AFF1: variants seen among roughly 807,000 people sequenced by gnomAD.
The protein encoded by AFF1 is ALF transcription elongation factor 1.
In AFF1, 48 loss-of-function variants were observed where a neutral mutation model predicts 121.7. The ratio of observed to expected loss-of-function variants is 0.39; its 90% confidence interval spans 0.31 to 0.50. The LOEUF (loss-of-function observed/expected upper bound fraction) is 0.50. AFF1 is among the 20% of genes least tolerant of loss of function. The pLI, the probability that AFF1 is intolerant of heterozygous loss-of-function variation, is 0.76. For synonymous variants in AFF1, 613 were observed against 563.0 expected, an observed-to-expected ratio of 1.09 and a Z score of -1.26; for missense variants, 1,523 against 1,511.7, an observed-to-expected ratio of 1.01 and a Z score of -0.12.
At chr4:87,094,800 T>C in intron 7 of AFF1, 115 bp from the exon 8 acceptor site, 2 of 895,096 alleles carry the variant, frequency 2.2e-6, no homozygotes, top group South Asian at 1.5e-5. Context: ...ATGCTAAGAT[T>C]GTACCAAGTG....
At chr4:87,126,384 C>G (rs755315205) in intron 14 of AFF1, 48 bp downstream of exon 14, 2 of 1,541,716 alleles carry the variant, frequency 1.3e-6, no homozygotes, top group South Asian at 2.2e-5. Context: ...CATTGCTGTA[C>G]CTTTACGTTC....
At chr4:87,129,258 T>C (rs763011896) in intron 16 of AFF1, among the ~76,000 whole-genome samples, 4 of 152,236 alleles carry the variant, frequency 2.6e-5, no homozygotes, top group Admixed American at 6.5e-5. Flanking sequence ...TTCAAAGATG[T>C]GCAGTTGGTG....
At chr4:86,978,615 AAT>A (rs1723495453) in intron 2 of AFF1, among the ~76,000 whole-genome samples, 1 of 151,696 alleles carries the variant, frequency 6.6e-6, no homozygotes, top group African/African-American at 2.4e-5. Context: ...CAACCAATAT[AAT>A]ATAAAGTTTC....
At chr4:87,014,484 TGGGAA>T (rs1475101991) in intron 2 of AFF1, among the ~76,000 whole-genome samples, 3 of 152,250 alleles carry the variant, frequency 2.0e-5, no homozygotes, top group Admixed American at 1.3e-4. Context: ...GAACTCCTAC[TGGGAA>T]GTAAATGTTA....
chr4:87,126,835 C>T (rs1488665736), intron 14 of AFF1, among the ~76,000 whole-genome samples, 191 bp from the exon 15 acceptor site: 4 of 151,852 alleles, frequency 2.6e-5, no homozygotes, highest in African/African-American at 4.8e-5. Flanking sequence ...TTTTTGAGTC[C>T]CCAGTACAAT....
chr4:87,115,905 C>T (rs550492904), intron 12 of AFF1, among the ~76,000 whole-genome samples: 6 of 152,256 alleles, frequency 3.9e-5, no homozygotes, highest in East Asian at 3.9e-4. Context: ...GCCTAAGACA[C>T]GATGCCCAGC....
chr4:87,095,374 C>T (rs1488120848), intron 8 of AFF1, among the ~76,000 whole-genome samples: 1 of 152,260 alleles, frequency 6.6e-6, no homozygotes, highest in Non-Finnish European at 1.5e-5. Flanking sequence ...CTGCCTCAGC[C>T]TCCCAAAGTG....
At chr4:86,984,041 A>G (rs746313734) in intron 2 of AFF1, among the ~76,000 whole-genome samples, 1 of 152,206 alleles carries the variant, frequency 6.6e-6, no homozygotes, top group Non-Finnish European at 1.5e-5. Flanking sequence ...CATCTCAAAA[A>G]AAAAGAAAAA....
In AFF1 at chr4:87,140,036, A is replaced by C. The variant is rs528224050; in HGVS notation, c.*4335A>C. The C allele has an allele frequency of 1.9e-4, 39 of 204,256 alleles. No individual in the cohort carries two copies. The highest frequency in any genetic ancestry group is 3.7e-4 in the Non-Finnish European group (37 of 99,642). 12.7% of individuals were successfully genotyped at this position (204,256 alleles called of 1,614,324 possible). A position where few individuals can be genotyped will look rare whatever the true frequency, so the allele number is the denominator to read the frequency against. Reference sequence around the variant, plus strand: ...CAGCAGGCACTGTACTGGGTAGAGAAGTGCCTATACTTCTCTACCTAAGAG... The same window carrying C: ...CAGCAGGCACTGTACTGGGTAGAGACGTGCCTATACTTCTCTACCTAAGAG... On this transcript the variant is annotated 3_prime_UTR_variant, in exon 21 of 21. Transcript: ENST00000395146.
At position 87,095,022 on chromosome 4, in the gene AFF1, T is replaced by C. The variant is rs1724686719; in HGVS notation, c.1283+53T>C. On this transcript the variant is annotated intron_variant, in intron 8 of 20. Transcript: ENST00000395146. The stretch of plus-strand genomic sequence containing the variant: ...AATTTTGTAGTATGAAATTGTAATG[T>C]CTCATGTCAATGCATTGCTTAGATT... 2.6e-6 allele frequency: 4 copies of C among 1,520,346 alleles called. No homozygotes were observed. In the Admixed American group the frequency reaches 6.7e-5, roughly 26 times the overall value. 94.2% of individuals were successfully genotyped at this position (1,520,346 alleles called of 1,614,324 possible).
At chr4:86,977,764 A>G (rs538755406) in intron 2 of AFF1, among the ~76,000 whole-genome samples, 1 of 152,348 alleles carries the variant, frequency 6.6e-6, no homozygotes, top group Admixed American at 6.5e-5. Context: ...CATACTGGGC[A>G]CTCAATAAAT....
At chr4:87,104,947 A>G (rs1048237868) in intron 8 of AFF1, among the ~76,000 whole-genome samples, 4 of 152,050 alleles carry the variant, frequency 2.6e-5, no homozygotes, top group Admixed American at 6.6e-5. Flanking sequence ...TGTTCTTCCC[A>G]TTGATCAGTG....
Position 87,073,276 on chromosome 4 carries a change from A to G in AFF1, c.1060-10844A>G, listed in dbSNP as rs576297612. 7.7e-3 allele frequency among the ~76,000 whole-genome samples: 749 copies of G among 97,480 alleles called. 8 individuals are homozygous for G. The highest frequency in any genetic ancestry group is 0.034 in the African/African-American group (695 of 20,270). The allele number at this position is 97,480 out of a possible 152,430, so 64.0% of individuals were successfully genotyped here. On this transcript the variant is annotated intron_variant, in intron 4 of 20. Coordinates refer to ENST00000395146, the MANE Select transcript of AFF1 (RefSeq NM_001166693.3). ...CCTGATTGCTCATTACCCAGCATTA[A>G]AGCCAAAAAAAAAAAAAAAAAAAAA...
intron 5 of AFF1, 63 bp downstream of exon 5, chr4:87,084,227 T>G (rs1723458220): frequency 1.3e-6 from 2 of 1,537,898 alleles, no homozygotes; most frequent in Admixed American, 3.3e-5. Context: ...GTACATCCAT[T>G]TACTTTCACT....
chr4:87,084,287 C>T, intron 5 of AFF1, 123 bp downstream of exon 5: 1 of 1,062,688 alleles, frequency 9.4e-7, no homozygotes. Flanking sequence ...GCCTGTAATC[C>T]TAGCACTTTG....
intron 2 of AFF1, among the ~76,000 whole-genome samples, chr4:86,989,023 T>A (rs1015442061): frequency 6.6e-6 from 1 of 152,090 alleles, no homozygotes; most frequent in Admixed American, 6.6e-5. Flanking sequence ...TTACACCTTA[T>A]ACAAAAATTA....
intron 1 of AFF1, among the ~76,000 whole-genome samples, chr4:86,941,172 A>G (rs1478645917): frequency 6.6e-6 from 1 of 152,158 alleles, no homozygotes; most frequent in Non-Finnish European, 1.5e-5. Context: ...CTAGGAGACT[A>G]TCCCTAATTT....
rs202127048 is a variant in AFF1 at position 86,986,698 on chromosome 4, G to A, written c.38+38127G>A. ...TATCAACCCTTAATAAAAGGATCCT[G>A]TTTGGCTCTGAACACACTAATGAAA... On this transcript the variant is annotated intron_variant, in intron 2 of 20. Coordinates refer to ENST00000395146, the MANE Select transcript of AFF1 (RefSeq NM_001166693.3). 2.6e-5 allele frequency among the ~76,000 whole-genome samples: 4 copies of A among 151,994 alleles called. No individual in the cohort carries two copies. The East Asian group carries it at 7.7e-4, about 29-fold the overall frequency.
At chr4:87,041,293 T>G (rs1730121573) in intron 2 of AFF1, among the ~76,000 whole-genome samples, 1 of 152,184 alleles carries the variant, frequency 6.6e-6, no homozygotes, top group Non-Finnish European at 1.5e-5. Flanking sequence ...CCAAAATCAG[T>G]GTTGACTAAC....
Sources: gnomAD v4.1 joint callset for allele counts (sites outside exome capture counted in the v4.1 genomes callset) on GRCh38, gnomAD v4.1.1 for gene constraint, MANE v1.5 for transcripts, NCBI Gene and HGNC (gene_info 2026-07-23, HGNC 2026-07-21) for gene names.